The following ADAMTSL1 variants were observed in gnomAD, a reference collection of about 807,000 sequenced individuals.
The protein encoded by ADAMTSL1 is ADAMTS like 1.
In ADAMTSL1, 126 loss-of-function variants were observed where a neutral mutation model predicts 201.8. The observed-to-expected ratio is 0.62, with a 90% CI of 0.54 to 0.72. The LOEUF (loss-of-function observed/expected upper bound fraction) is 0.72, where lower values mean the gene tolerates loss of function less well. ADAMTSL1 is among the 30% of genes least tolerant of loss of function. The probability of loss-of-function intolerance (pLI) is 0.00; values close to 1 mark genes in which losing one functional copy is unlikely to be tolerated. For synonymous variants in ADAMTSL1, 1,121 were observed against 903.4 expected (o/e 1.24, Z -4.32); for missense variants, 2,679 against 2,277.8 (o/e 1.18, Z -3.59).
At chr9:18,306,099 G>C (rs1833898470) in intron 2 of ADAMTSL1, among the ~76,000 whole-genome samples, 1 of 152,170 alleles carries the variant, frequency 6.6e-6, no homozygotes, top group Non-Finnish European at 1.5e-5. Context: ...CTGCAGCAGA[G>C]GGGCCTGACT....
chr9:18,732,582 C>T (rs1418224058), intron 15 of ADAMTSL1, among the ~76,000 whole-genome samples: 4 of 152,034 alleles, frequency 2.6e-5, no homozygotes, highest in Admixed American at 6.6e-5. Flanking sequence ...CGCTGTGTCC[C>T]GATGGCCAGA....
At chr9:18,596,532 T>C (rs1564077908) in intron 4 of ADAMTSL1, among the ~76,000 whole-genome samples, 2 of 152,206 alleles carry the variant, frequency 1.3e-5, no homozygotes, top group East Asian at 3.8e-4. Flanking sequence ...TAGCTGGGAT[T>C]ACAGGTGCGC....
At chr9:18,411,956 T>C (rs936092023) in intron 2 of ADAMTSL1, among the ~76,000 whole-genome samples, 6 of 152,214 alleles carry the variant, frequency 3.9e-5, no homozygotes, top group African/African-American at 1.4e-4. Flanking sequence ...TAAGAGGAGA[T>C]TGATACACTG....
chr9:18,739,772 G>C (rs1818711278), intron 15 of ADAMTSL1, among the ~76,000 whole-genome samples: 1 of 152,188 alleles, frequency 6.6e-6, no homozygotes. Context: ...CCTGTGAATA[G>C]AACATCTGTG....
intron 7 of ADAMTSL1, among the ~76,000 whole-genome samples, chr9:18,640,532 A>G (rs1036427700): frequency 6.6e-6 from 1 of 152,096 alleles, no homozygotes; most frequent in African/African-American, 2.4e-5. Context: ...AGCTCACAGC[A>G]TTGTCAAATG....
At chr9:18,204,890 A>C (rs189318621) in intron 2 of ADAMTSL1, among the ~76,000 whole-genome samples, 1 of 152,164 alleles carries the variant, frequency 6.6e-6, no homozygotes, top group Non-Finnish European at 1.5e-5. Context: ...ATCTTTGTTC[A>C]TTTATATCCA....
intron 1 of ADAMTSL1, among the ~76,000 whole-genome samples, chr9:18,150,796 A>C (rs1200211906): frequency 6.6e-6 from 1 of 152,022 alleles, no homozygotes; most frequent in Non-Finnish European, 1.5e-5. Flanking sequence ...ATTTGCCTTA[A>C]TCAACAGGAA....
At chr9:18,429,433 G>A (rs1442135388) in intron 2 of ADAMTSL1, among the ~76,000 whole-genome samples, 1 of 152,158 alleles carries the variant, frequency 6.6e-6, no homozygotes, top group East Asian at 1.9e-4. Flanking sequence ...GGATATGTCT[G>A]ATGTGTCTGT....
intron 1 of ADAMTSL1, among the ~76,000 whole-genome samples, chr9:18,483,812 G>T (rs148113261): frequency 0.079 from 12,023 of 152,202 alleles, 639 homozygotes; most frequent in Non-Finnish European, 0.12. Context: ...GGGCGACAGA[G>T]CAAGACTCTG....
chr9:18,817,277 C>T, intron 21 of ADAMTSL1, 40 bp downstream of exon 21: 2 of 1,540,548 alleles, frequency 1.3e-6, no homozygotes, highest in South Asian at 1.2e-5. Context: ...GTTAATGGAG[C>T]CCTGTGCTAG....
chr9:18,526,870 G>A (rs144614094), intron 2 of ADAMTSL1, among the ~76,000 whole-genome samples: 111 of 152,228 alleles, frequency 7.3e-4, no homozygotes, highest in African/African-American at 2.6e-3. Context: ...ATCTATGGTC[G>A]CTCTAAGATC....
rs369756298 is a variant in ADAMTSL1 at position 18,105,387 on chromosome 9, C to G, written c.88-58475C>G. On this transcript the variant is annotated intron_variant, in intron 1 of 29. Transcript: ENST00000680146. ...TCTCTGGAACGTCTCTGACACTTGC[C>G]CAACCAACGACCAGTTCATGTTTTC... 2.6e-5 allele frequency among the ~76,000 whole-genome samples: 4 copies of G among 152,264 alleles called. No homozygotes were observed. The East Asian group carries it at 5.8e-4, about 22-fold the overall frequency.
chr9:18,654,620 C>T (rs921964449), intron 7 of ADAMTSL1, among the ~76,000 whole-genome samples: 3 of 152,156 alleles, frequency 2.0e-5, no homozygotes, highest in African/African-American at 7.2e-5. Context: ...AGATATATAA[C>T]TGCTATAAGG....
At chr9:18,651,246 C>G (rs113709701) in intron 7 of ADAMTSL1, 1 of 152,216 alleles carries the variant, frequency 6.6e-6, no homozygotes, top group Non-Finnish European at 1.5e-5. Flanking sequence ...TATCCCCTCC[C>G]TCCCTTACCA....
chr9:18,730,402 G>C (rs1818141156), intron 15 of ADAMTSL1, among the ~76,000 whole-genome samples: 1 of 152,234 alleles, frequency 6.6e-6, no homozygotes, highest in Admixed American at 6.5e-5. Flanking sequence ...ATACAGTTCA[G>C]GAACAGTTCA....
intron 26 of ADAMTSL1, among the ~76,000 whole-genome samples, chr9:18,897,795 C>T (rs545089561): frequency 6.6e-6 from 1 of 152,218 alleles, no homozygotes; most frequent in African/African-American, 2.4e-5. Context: ...AGTGCCTCTT[C>T]TCCTCTAAAT....
At chr9:17,982,319 T>C in intron 1 of ADAMTSL1, among the ~76,000 whole-genome samples, 1 of 151,990 alleles carries the variant, frequency 6.6e-6, no homozygotes, top group East Asian at 1.9e-4. Flanking sequence ...TGAATACAAT[T>C]AAGAATAAAA....
At chr9:18,079,672 ACT>A (rs1823392993) in intron 1 of ADAMTSL1, among the ~76,000 whole-genome samples, 1 of 149,462 alleles carries the variant, frequency 6.7e-6, no homozygotes, top group Admixed American at 6.7e-5. Context: ...ACAGAGCGAG[ACT>A]CTGTCTCAAA....
intron 15 of ADAMTSL1, among the ~76,000 whole-genome samples, chr9:18,752,594 G>A (rs1206463202): frequency 6.6e-6 from 1 of 152,164 alleles, no homozygotes; most frequent in East Asian, 1.9e-4. Context: ...CACTATAAAC[G>A]TACTTCTCAA....
Sources: allele counts gnomAD v4.1 joint callset (sites outside exome capture counted in the v4.1 genomes callset), GRCh38; gene constraint gnomAD v4.1.1; transcripts MANE v1.5; gene names NCBI Gene and HGNC (gene_info 2026-07-23, HGNC 2026-07-21).